Variants in BANP observed in about 807,000 individuals in gnomAD.
BANP encodes the protein BTG3 associated nuclear protein.
A neutral mutation model predicts 68.1 loss-of-function variants in BANP; 11 were observed. The ratio of observed to expected loss-of-function variants is 0.16; its 90% confidence interval spans 0.10 to 0.27. BANP has a LOEUF of 0.27. BANP is among the 10% of genes least tolerant of loss of function. The pLI is 1.00. For missense variants in BANP, 504 were observed against 722.7 expected (o/e 0.70, Z 3.47); for synonymous variants, 329 against 303.2 (o/e 1.09, Z -0.88).
At chr16:87,952,698 G>C (rs1046383488) in intron 1 of BANP, 2 of 152,226 alleles carry the variant, frequency 1.3e-5, no homozygotes, top group African/African-American at 4.8e-5. Context: ...AATTCTGTAT[G>C]TGGGTCCACT....
At chr16:87,993,027 G>A (rs1485948729) in intron 4 of BANP, among the ~76,000 whole-genome samples, 5 of 152,178 alleles carry the variant, frequency 3.3e-5, no homozygotes, top group Non-Finnish European at 7.3e-5. Context: ...ACTTTTTGAG[G>A]AGCATTGGGT....
Position 88,076,902 on chromosome 16 carries a change from A to G in BANP, c.*241A>G, listed in dbSNP as rs1230490599. ...TTGGTGTCGGAGCACGAGGGGAGGC[A>G]CGGTGCGGAGAGCGTCGCATATGCG... is the stretch of plus-strand genomic sequence containing the variant. On this transcript the variant is annotated 3_prime_UTR_variant, in exon 14 of 14. Coordinates refer to ENST00000682872, the MANE Select transcript of BANP (RefSeq NM_001386991.1). The G allele has an allele frequency of 2.3e-5, 12 of 529,880 alleles. No homozygotes were observed. In the South Asian group the frequency reaches 2.3e-4, roughly 10 times the overall value. 32.8% of individuals were successfully genotyped at this position (529,880 alleles called of 1,614,324 possible).
At position 88,076,833 on chromosome 16, in the gene BANP, G is replaced by A. The variant is rs1460891194; in HGVS notation, c.*172G>A. 6 of 595,398 alleles carry A rather than the reference G, an allele frequency of 1.0e-5. No individual in the cohort carries two copies. In the Admixed American group the frequency reaches 1.0e-4, roughly 10 times the overall value. 36.9% of individuals were successfully genotyped at this position (595,398 alleles called of 1,614,324 possible). A position where few individuals can be genotyped will look rare whatever the true frequency, so the allele number is the denominator to read the frequency against. On this transcript the variant is annotated 3_prime_UTR_variant, in exon 14 of 14. Coordinates refer to ENST00000682872, the MANE Select transcript of BANP (RefSeq NM_001386991.1). ...CATCCTATCAACTGAAAGAGCAGCC[G>A]CCGCCGCCCCCAGCCGGAGACCCCT...
At chr16:87,962,681 C>T (rs1218693571) in intron 1 of BANP, among the ~76,000 whole-genome samples, 1 of 152,182 alleles carries the variant, frequency 6.6e-6, no homozygotes, top group Admixed American at 6.5e-5. Context: ...ATTTGGGGGG[C>T]CATCTTAAAG....
chr16:87,983,489 C>T (rs1001063315), intron 3 of BANP, among the ~76,000 whole-genome samples: 7 of 152,116 alleles, frequency 4.6e-5, no homozygotes, highest in Admixed American at 6.5e-5. Context: ...GTTAGGAATC[C>T]GGAGGAGACT....
At chr16:87,967,078 A>C (rs1008705682) in intron 1 of BANP, among the ~76,000 whole-genome samples, 14 of 152,252 alleles carry the variant, frequency 9.2e-5, no homozygotes, top group African/African-American at 3.1e-4. Context: ...CTGCTGTGGG[A>C]CAGGCTGGGA....
chr16:88,067,163 G>C (rs1206873562), intron 12 of BANP, among the ~76,000 whole-genome samples: 2 of 152,222 alleles, frequency 1.3e-5, no homozygotes, highest in Non-Finnish European at 2.9e-5. Flanking sequence ...ACCCTTTGCA[G>C]CTCTGTGCCG....
chr16:88,045,367 G>A (rs74040278), intron 11 of BANP, among the ~76,000 whole-genome samples: 2,481 of 152,320 alleles, frequency 0.016, 77 homozygotes, highest in African/African-American at 0.057. Context: ...CGAGTTGTCC[G>A]TGCGTGCACT....
At chr16:88,056,811 G>C (rs1567896169) in intron 11 of BANP, among the ~76,000 whole-genome samples, 1 of 152,142 alleles carries the variant, frequency 6.6e-6, no homozygotes. Flanking sequence ...AGTATACTTA[G>C]CAACACTGAG....
intron 12 of BANP, among the ~76,000 whole-genome samples, chr16:88,066,243 A>G (rs534314010): frequency 3.3e-5 from 5 of 152,256 alleles, no homozygotes; most frequent in African/African-American, 9.6e-5. Flanking sequence ...AGGTTCACCA[A>G]CGTGGAACTG....
intron 7 of BANP, among the ~76,000 whole-genome samples, chr16:88,019,906 CT>C (rs1274862592): frequency 6.6e-6 from 1 of 152,160 alleles, no homozygotes; most frequent in African/African-American, 2.4e-5. Flanking sequence ...GCAGGTTTTT[CT>C]GGAAGCTGCT....
intron 13 of BANP, among the ~76,000 whole-genome samples, chr16:88,072,507 C>A (rs1196797404): frequency 6.6e-6 from 1 of 152,232 alleles, no homozygotes; most frequent in Admixed American, 6.5e-5. Context: ...CTCCACACAG[C>A]CCTTTCCTGT....
chr16:87,970,836 A>AG (rs1179039498), intron 1 of BANP, among the ~76,000 whole-genome samples: 1 of 152,062 alleles, frequency 6.6e-6, no homozygotes, highest in Non-Finnish European at 1.5e-5. Context: ...CTGGCCACAG[A>AG]GGGAAACCCC....
chr16:88,019,371 C>T (rs1481598825), intron 7 of BANP, among the ~76,000 whole-genome samples: 2 of 152,192 alleles, frequency 1.3e-5, no homozygotes, highest in South Asian at 4.1e-4. Flanking sequence ...AGTGAAGCAG[C>T]AGCAAACGCA....
intron 1 of BANP, among the ~76,000 whole-genome samples, chr16:87,954,421 C>T (rs2057628108): frequency 6.6e-6 from 1 of 152,198 alleles, no homozygotes; most frequent in South Asian, 2.1e-4. Flanking sequence ...CTCTTTATGG[C>T]AAGTCCTCCA....
At chr16:87,975,780 C>G in intron 2 of BANP, among the ~76,000 whole-genome samples, 1 of 149,022 alleles carries the variant, frequency 6.7e-6, no homozygotes, top group South Asian at 2.1e-4. Context: ...TGGAACCTTA[C>G]CATGTTGTGT....
At position 88,006,177 on chromosome 16, in the gene BANP, G is replaced by T; in HGVS notation, c.567G>T (p.Ser189=). 2 of 1,613,676 alleles carry T rather than the reference G, an allele frequency of 1.2e-6. No homozygotes were observed. Among genetic ancestry groups the T allele is most frequent in the African/African-American group, 1.3e-5 (1 of 75,026 alleles). The part of the protein sequence containing the change: ...DSHHEDGESG[S]EASDSVSSCG... Reference sequence around the variant, plus strand: ...ACCACGAGGACGGGGAGAGCGGCTCGGAGGCCAGCGACTCTGTGTCCAGCT... The same window carrying T: ...ACCACGAGGACGGGGAGAGCGGCTCTGAGGCCAGCGACTCTGTGTCCAGCT... The change falls in exon 6 of 14, where the codon TCG becomes TCT. Residue 189 remains serine, a synonymous_variant. Coordinates refer to ENST00000682872, the MANE Select transcript of BANP (RefSeq NM_001386991.1).
At chr16:87,983,604 G>A (rs1437354503) in intron 3 of BANP, among the ~76,000 whole-genome samples, 1 of 152,034 alleles carries the variant, frequency 6.6e-6, no homozygotes, top group African/African-American at 2.4e-5. Context: ...CCAAGTCAGG[G>A]CCACAGGGGG....
At chr16:88,072,900 T>A (rs1395068665) in intron 13 of BANP, among the ~76,000 whole-genome samples, 3 of 152,240 alleles carry the variant, frequency 2.0e-5, no homozygotes, top group Non-Finnish European at 4.4e-5. Flanking sequence ...TTGTCCTTGT[T>A]CTACCTCCAG....
Sources: gnomAD v4.1 joint callset for allele counts (sites outside exome capture counted in the v4.1 genomes callset) on GRCh38, gnomAD v4.1.1 for gene constraint, MANE v1.5 for transcripts, NCBI Gene and HGNC (gene_info 2026-07-23, HGNC 2026-07-21) for gene names.